The following FAM117B variants were observed in gnomAD, a reference collection of about 807,000 sequenced individuals.
FAM117B encodes family with sequence similarity 117 member B, also known as protein FAM117B.
In FAM117B, 22 loss-of-function variants were observed where a neutral mutation model predicts 52.8. The ratio of observed to expected loss-of-function variants is 0.42; its 90% CI spans 0.30 to 0.59. The LOEUF is 0.59. Ranked by LOEUF, FAM117B falls within the 20% of genes least tolerant of loss-of-function variation. The probability of loss-of-function intolerance (pLI) is 0.22; values close to 1 mark genes in which losing one functional copy is unlikely to be tolerated. For missense variants in FAM117B, 678 were observed against 802.6 expected, an observed-to-expected ratio of 0.84 and a Z score of 1.88; for synonymous variants, 309 against 324.1, an observed-to-expected ratio of 0.95 and a Z score of 0.50.
rs60490884 is a variant in FAM117B, at chr2:202,654,062, T to TGAGAGA, written c.601+18304_601+18309dup. Among the ~76,000 whole-genome samples, 497 of 134,820 alleles carry TGAGAGA rather than the reference T, an allele frequency of 3.7e-3. 1 individual carries two copies. The highest frequency in any genetic ancestry group is 5.0e-3 in the African/African-American group (183 of 36,890). 88.4% of individuals were successfully genotyped at this position (134,820 alleles called of 152,430 possible). ...GGAGGGGGTGCGGGAAGAGAGTGAG[T>TGAGAGA]GAGAGAGAGAGAGAGAGAGAGAGAG... On this transcript the variant is annotated intron_variant, in intron 1 of 7. Coordinates refer to ENST00000392238, the MANE Select transcript of FAM117B (RefSeq NM_173511.4).
chr2:202,748,632 G>A (rs893915564), intron 4 of FAM117B, among the ~76,000 whole-genome samples: 25 of 151,928 alleles, frequency 1.6e-4, no homozygotes, highest in African/African-American at 6.0e-4. Flanking sequence ...ACATTTCTTA[G>A]AAGAGACAGA....
intron 1 of FAM117B, among the ~76,000 whole-genome samples, chr2:202,673,700 G>T (rs1039556737): frequency 8.6e-5 from 13 of 151,818 alleles, no homozygotes; most frequent in African/African-American, 2.9e-4. Context: ...CGCCTGTCTC[G>T]GTCTCCCAAA....
chr2:202,768,908 C>A lies in FAM117B; in HGVS notation c.*3144C>A, dbSNP rs1407831909. ...GTTTTTTTAAATCTTTAAACAATTT[C>A]TTCTTTGTGATGATAAAAATAATAT... On this transcript the variant is annotated 3_prime_UTR_variant, in exon 8 of 8. Transcript: ENST00000392238. 2.0e-5 allele frequency: 3 copies of A among 151,786 alleles called. No homozygotes were observed. The highest frequency in any genetic ancestry group is 7.3e-5 in the African/African-American group (3 of 41,326). 9.4% of individuals were successfully genotyped at this position (151,786 alleles called of 1,614,324 possible). A position where few individuals can be genotyped will look rare whatever the true frequency, so the allele number is the denominator to read the frequency against.
rs770026929 is a variant in FAM117B, at chr2:202,765,636, C to T, written c.1642C>T (p.Gln548Ter). The T allele has an allele frequency of 1.2e-6, 2 of 1,614,208 alleles. No individual in the cohort carries two copies. The highest frequency in any genetic ancestry group is 1.7e-6 in the Non-Finnish European group (2 of 1,180,048). ...VTTGMTTTLLQPIAVASLSTN... is the reference protein window; with the variant it reads ...VTTGMTTTLL Reference sequence around the variant, plus strand: ...CACTGGCATGACAACCACTCTGCTGCAGCCTATTGCTGTGGCCTCCCTGTC... The same window carrying T: ...CACTGGCATGACAACCACTCTGCTGTAGCCTATTGCTGTGGCCTCCCTGTC... Residue 548 changes from glutamine to a stop codon, truncating the protein, a stop_gained, in exon 8 of 8, where the codon CAG (glutamine) becomes TAG (stop). Transcript: ENST00000392238. LOFTEE classifies it high-confidence loss of function.
chr2:202,726,275 A>T lies in FAM117B; in HGVS notation c.872A>T (p.Gln291Leu), dbSNP rs1294917766. ...KEIAKLRQQL[Q>L]RSKHSSRHHR... ...ATTGCAAAATTACGCCAGCAGTTGC[A>T]GAGAAGTAAACACAGCAGTCGGCAT... The change falls in exon 4 of 8, where the codon CAG becomes CTG. Residue 291 changes from glutamine to leucine, a missense_variant. This residue lies in a region of FAM117B where 583 missense variants were observed against 644.8 expected (regional missense o/e 0.90). Coordinates refer to ENST00000392238, the MANE Select transcript of FAM117B (RefSeq NM_173511.4). The T allele has an allele frequency of 6.2e-7, 1 of 1,612,930 alleles. No homozygotes were observed. Among genetic ancestry groups the T allele is most frequent in the East Asian group, 2.2e-5 (1 of 44,804 alleles).
At chr2:202,752,983 C>A (rs1691749097) in intron 4 of FAM117B, among the ~76,000 whole-genome samples, 1 of 152,158 alleles carries the variant, frequency 6.6e-6, no homozygotes, top group South Asian at 2.1e-4. Flanking sequence ...CATCAAACTA[C>A]CATTGACATT....
intron 1 of FAM117B, among the ~76,000 whole-genome samples, chr2:202,639,766 C>G (rs997490177): frequency 6.6e-6 from 1 of 152,110 alleles, no homozygotes; most frequent in African/African-American, 2.4e-5. Context: ...AGCACAGTAC[C>G]TCAGTATAAA....
chr2:202,746,224 A>G (rs1691630206), intron 4 of FAM117B, among the ~76,000 whole-genome samples: 1 of 152,152 alleles, frequency 6.6e-6, no homozygotes. Context: ...ACAAATTTTT[A>G]AATATTGAAG....
At chr2:202,736,670 GAGAATCA>G (rs1691441020) in intron 4 of FAM117B, among the ~76,000 whole-genome samples, 1 of 152,068 alleles carries the variant, frequency 6.6e-6, no homozygotes, top group South Asian at 2.1e-4. Flanking sequence ...GTTGAGGTGG[GAGAATCA>G]CCTGAGCCAG....
Position 202,642,466 on chromosome 2 carries a change from T to G in FAM117B, c.601+6678T>G, listed in dbSNP as rs986907235. On this transcript the variant is annotated intron_variant, in intron 1 of 7. Transcript: ENST00000392238. Reference sequence around the variant, plus strand: ...TGGGAATGGCAAGAGTAAAAAAGATTGAAAAGACTGATTTGGCAAACTGTT... The same window carrying G: ...TGGGAATGGCAAGAGTAAAAAAGATGGAAAAGACTGATTTGGCAAACTGTT... Among the ~76,000 whole-genome samples the G allele has an allele frequency of 2.0e-5, 3 of 151,666 alleles. 1 individual carries two copies. The highest frequency in any genetic ancestry group is 4.4e-5 in the Non-Finnish European group (3 of 67,960).
At chr2:202,691,392 C>T (rs1690619719) in intron 1 of FAM117B, among the ~76,000 whole-genome samples, 1 of 152,006 alleles carries the variant, frequency 6.6e-6, no homozygotes, top group Non-Finnish European at 1.5e-5. Flanking sequence ...GCACTCCAGC[C>T]TGGGTGATGG....
intron 7 of FAM117B, among the ~76,000 whole-genome samples, chr2:202,761,437 C>T (rs1487780316): frequency 6.6e-6 from 1 of 152,056 alleles, no homozygotes; most frequent in Non-Finnish European, 1.5e-5. Context: ...AAGAAAAGAC[C>T]AGAGAGGTGT....
Position 202,635,747 on chromosome 2 carries a change from C to T in FAM117B, c.560C>T (p.Ser187Leu). 6 of 1,457,584 alleles carry T rather than the reference C, an allele frequency of 4.1e-6. No individual in the cohort carries two copies. In the South Asian group the frequency reaches 5.2e-5, roughly 13 times the overall value. The allele number at this position is 1,457,584 out of a possible 1,614,324, so 90.3% of individuals were successfully genotyped here. A position where few individuals can be genotyped will look rare whatever the true frequency, so the allele number is the denominator to read the frequency against. ...AGGTCTCCGGAGCAGAGCCGAAGCT[C>T]GCCGGAGAAGAGGAGCCCCAGCGCC... is the stretch of plus-strand genomic sequence containing the variant. ...RRRSPEQSRSSPEKRSPSAPV... is the reference protein window; with the variant it reads ...RRRSPEQSRSLPEKRSPSAPV... Residue 187 changes from serine to leucine, a missense_variant, in exon 1 of 8, where the codon TCG (serine) becomes TTG (leucine). Physicochemically the swap from Ser to Leu is moderately radical, Grantham distance 145. Coordinates refer to ENST00000392238, the MANE Select transcript of FAM117B (RefSeq NM_173511.4).
intron 4 of FAM117B, among the ~76,000 whole-genome samples, chr2:202,744,019 T>C (rs6435163): frequency 0.5 from 75,767 of 151,986 alleles, 19,526 homozygotes; most frequent in Middle Eastern, 0.62. Flanking sequence ...ATACAGGAAG[T>C]TCAAAGATCC....
At chr2:202,756,328 C>T (rs751448083) in intron 5 of FAM117B, among the ~76,000 whole-genome samples, 62 of 151,454 alleles carry the variant, frequency 4.1e-4, no homozygotes, top group South Asian at 6.2e-4. Context: ...CAGGGAGAAT[C>T]GCTTGAACCC....
chr2:202,684,312 G>A (rs1158910193), intron 1 of FAM117B, among the ~76,000 whole-genome samples: 6 of 152,068 alleles, frequency 3.9e-5, no homozygotes, highest in African/African-American at 7.2e-5. Context: ...CTTATTATTC[G>A]CAGATTTTGT....
At chr2:202,746,251 C>T (rs1200846145) in intron 4 of FAM117B, among the ~76,000 whole-genome samples, 1 of 152,106 alleles carries the variant, frequency 6.6e-6, no homozygotes. Flanking sequence ...AGTATCTTCT[C>T]ATACCACAGA....
At chr2:202,680,308 T>C (rs532369966) in intron 1 of FAM117B, among the ~76,000 whole-genome samples, 14 of 152,042 alleles carry the variant, frequency 9.2e-5, no homozygotes, top group Non-Finnish European at 2.1e-4. Flanking sequence ...TTAGGAGATA[T>C]ACCTAATGCT....
Position 202,673,433 on chromosome 2 carries a change from GTTTTTTTTTTTTTTTT to G in FAM117B, c.602-22431_602-22416del, listed in dbSNP as rs1158185300. ...TAGCCTACCCTATTTTTCTTTTTCT[GTTTTTTTTTTTTTTTT>G]TTTTTTTTTTTTTTTTGAGACGTTG... On this transcript the variant is annotated intron_variant, in intron 1 of 7. Coordinates refer to ENST00000392238, the MANE Select transcript of FAM117B (RefSeq NM_173511.4). Among the ~76,000 whole-genome samples the G allele has an allele frequency of 9.1e-4, 34 of 37,538 alleles. 1 individual carries two copies. The East Asian group carries it at 0.011, about 12-fold the overall frequency. 24.6% of individuals were successfully genotyped at this position (37,538 alleles called of 152,430 possible). A position where few individuals can be genotyped will look rare whatever the true frequency, so the allele number is the denominator to read the frequency against.
Sources: gnomAD v4.1 joint callset for allele counts (sites outside exome capture counted in the v4.1 genomes callset) on GRCh38, gnomAD v4.1.1 for gene constraint, gnomAD v4.1.1 regional missense constraint, MANE v1.5 for transcripts, NCBI Gene and HGNC (gene_info 2026-07-23, HGNC 2026-07-21) for gene names.